Variants in FRK observed in about 807,000 individuals in gnomAD.
The protein encoded by FRK is tyrosine-protein kinase FRK.
A neutral mutation model predicts 56.4 loss-of-function variants in FRK; 51 were observed. That is an observed-to-expected ratio of 0.90 (90% CI 0.72 to 1.14). The LOEUF (loss-of-function observed/expected upper bound fraction) is 1.14, where lower values mean the gene tolerates loss of function less well. Ranked by LOEUF, FRK falls within the 50% of genes most tolerant of loss-of-function variation. The probability of loss-of-function intolerance (pLI) is 0.00; values close to 1 mark genes in which losing one functional copy is unlikely to be tolerated. For synonymous variants in FRK, 245 were observed against 217.9 expected, an observed-to-expected ratio of 1.12 and a Z score of -1.10; for missense variants, 570 against 601.4, an observed-to-expected ratio of 0.95 and a Z score of 0.55.
the FRK span, among the ~76,000 whole-genome samples, chr6:116,078,250 T>C: frequency 6.6e-6 from 1 of 152,228 alleles, no homozygotes; most frequent in Non-Finnish European, 1.5e-5. Context: ...ACAGCAGTTA[T>C]GAACGTGGGA....
the FRK span, among the ~76,000 whole-genome samples, chr6:116,078,006 A>G: frequency 1.3e-5 from 2 of 152,162 alleles, no homozygotes; most frequent in East Asian, 1.9e-4. Flanking sequence ...CTAAAAACAC[A>G]AAAATTAGCA....
intron 4 of FRK, among the ~76,000 whole-genome samples, chr6:115,958,696 GAAAGAAAGAAGAAAGA>G (rs1773148612): frequency 2.5e-4 from 2 of 7,876 alleles, no homozygotes; most frequent in African/African-American, 1.1e-3. Context: ...AAGAAAGAAA[GAAAGAAAGAAGAAAGA>G]AAGAAAGAAA....
chr6:116,033,983 G>C (rs1776383579), intron 1 of FRK, among the ~76,000 whole-genome samples: 1 of 152,104 alleles, frequency 6.6e-6, no homozygotes, highest in African/African-American at 2.4e-5. Flanking sequence ...CTGGAAATGA[G>C]GTATGAAAAG....
At chr6:115,995,390 A>T (rs1776715858) in intron 2 of FRK, among the ~76,000 whole-genome samples, 1 of 152,142 alleles carries the variant, frequency 6.6e-6, no homozygotes, top group Admixed American at 6.6e-5. Flanking sequence ...TTCTCACATG[A>T]CTTATCAACT....
the FRK span, among the ~76,000 whole-genome samples, chr6:116,081,300 G>A: frequency 6.6e-6 from 1 of 152,068 alleles, no homozygotes; most frequent in Non-Finnish European, 1.5e-5. Context: ...CATCGTTTTG[G>A]AGAGCAATTT....
At position 115,953,722 on chromosome 6, in the gene FRK, A is replaced by C. The variant is rs544967904; in HGVS notation, c.958+2730T>G. ...TGTCAAAGGTGTTAGCCATGTACCA[A>C]GTTGATCTTTTCAAGCTAATACCAA... On this transcript the variant is annotated intron_variant, in intron 5 of 7. Coordinates refer to ENST00000606080, the MANE Select transcript of FRK (RefSeq NM_002031.3). Among the ~76,000 whole-genome samples the C allele has an allele frequency of 2.4e-3, 371 of 152,280 alleles. 2 individuals carry two copies. The highest frequency in any genetic ancestry group is 8.5e-3 in the African/African-American group (355 of 41,574).
At chr6:116,053,879 G>C (rs1400466685) in intron 1 of FRK, among the ~76,000 whole-genome samples, 2 of 152,044 alleles carry the variant, frequency 1.3e-5, no homozygotes, top group East Asian at 3.9e-4. Flanking sequence ...TCACTTCACT[G>C]GTTCTCAAAG....
chr6:116,065,701 C>T (rs148324836), upstream of FRK, among the ~76,000 whole-genome samples: 9 of 152,330 alleles, frequency 5.9e-5, no homozygotes, highest in Admixed American at 1.3e-4. Flanking sequence ...ATAACCTATA[C>T]CCATTTTTGT....
intron 2 of FRK, among the ~76,000 whole-genome samples, chr6:115,970,607 A>C (rs988566206): frequency 6.6e-6 from 1 of 152,250 alleles, no homozygotes; most frequent in Non-Finnish European, 1.5e-5. Context: ...ATTATTAAAA[A>C]GCAAGGCTAA....
At chr6:115,971,018 G>A (rs1021379635) in intron 2 of FRK, among the ~76,000 whole-genome samples, 1 of 152,158 alleles carries the variant, frequency 6.6e-6, no homozygotes, top group African/African-American at 2.4e-5. Flanking sequence ...TTAACTTGGT[G>A]CTGGTTACCT....
At chr6:116,091,137 T>TG in the FRK span, among the ~76,000 whole-genome samples, 7 of 152,160 alleles carry the variant, frequency 4.6e-5, no homozygotes, top group Admixed American at 2.0e-4. Flanking sequence ...TGTGGGGACT[T>TG]GGAGATTTTT....
At chr6:116,028,674 G>A (rs1776189003) in intron 1 of FRK, among the ~76,000 whole-genome samples, 1 of 152,024 alleles carries the variant, frequency 6.6e-6, no homozygotes, top group Admixed American at 6.6e-5. Context: ...GTGTATGTCT[G>A]AGTCTCCAAA....
chr6:116,095,211 T>C, the FRK span, among the ~76,000 whole-genome samples: 1 of 152,230 alleles, frequency 6.6e-6, no homozygotes. Context: ...CAATAGATGG[T>C]TCCTCCTAGG....
chr6:116,075,279 C>T, the FRK span, among the ~76,000 whole-genome samples: 1 of 151,726 alleles, frequency 6.6e-6, no homozygotes, highest in Non-Finnish European at 1.5e-5. Context: ...CTTCTTATGC[C>T]CAAGTCCTCA....
rs561273499 is a variant in FRK at position 116,000,223 on chromosome 6, CTTTTTTTTTTTTTTTTTT to C, written c.466+3636_466+3653del. On this transcript the variant is annotated intron_variant, in intron 2 of 7. Coordinates refer to ENST00000606080, the MANE Select transcript of FRK (RefSeq NM_002031.3). ...TTTCCTCATGAAAATATCATTCTTT[CTTTTTTTTTTTTTTTTTT>C]TTTTTTTTTTTTTTTTTTTGAGACG... Among the ~76,000 whole-genome samples the C allele has an allele frequency of 7.6e-3, 401 of 53,070 alleles. 8 individuals carry two copies. The highest frequency in any genetic ancestry group is 0.033 in the East Asian group (94 of 2,818). 34.8% of individuals were successfully genotyped at this position (53,070 alleles called of 152,430 possible).
intron 1 of FRK, chr6:116,038,804 C>A (rs1313620553): frequency 4.0e-6 from 2 of 501,486 alleles, no homozygotes; most frequent in Non-Finnish European, 4.0e-6. Context: ...GATGAACCGA[C>A]GGAAGAAGAG....
At chr6:115,949,433 C>A (rs1452557270) in intron 5 of FRK, among the ~76,000 whole-genome samples, 1 of 152,024 alleles carries the variant, frequency 6.6e-6, no homozygotes, top group African/African-American at 2.4e-5. Context: ...TCATAAATAG[C>A]TTTTTTTATT....
intron 6 of FRK, 98 bp downstream of exon 6, chr6:115,944,146 G>T (rs1772321658): frequency 3.0e-6 from 3 of 1,011,760 alleles, no homozygotes; most frequent in Admixed American, 2.8e-5. Flanking sequence ...AGAACTTGGA[G>T]AAACATTGTT....
chr6:116,062,075 T>G (rs1777646728), upstream of FRK, among the ~76,000 whole-genome samples: 1 of 151,860 alleles, frequency 6.6e-6, no homozygotes, highest in South Asian at 2.1e-4. Flanking sequence ...CAGCCCAACC[T>G]GCTATTACTT....
Sources: gnomAD v4.1 joint callset for allele counts (sites outside exome capture counted in the v4.1 genomes callset) on GRCh38, gnomAD v4.1.1 for gene constraint, MANE v1.5 for transcripts, NCBI Gene and HGNC (gene_info 2026-07-23, HGNC 2026-07-21) for gene names.